The following CHSY3 variants were observed in gnomAD, a reference collection of about 807,000 sequenced individuals.
CHSY3 encodes chondroitin sulfate synthase 3, also known as N-acetylgalactosaminyl-proteoglycan 3-beta-glucuronosyltransferase 3.
In CHSY3, 35 loss-of-function variants were observed where a neutral mutation model predicts 67.2. The ratio of observed to expected loss-of-function variants is 0.52; its 90% confidence interval spans 0.40 to 0.69. CHSY3 has a LOEUF of 0.69. Among genes scored for constraint, CHSY3 ranks in the 30% least tolerant of loss-of-function variants. The probability of loss-of-function intolerance (pLI) is 0.00; values close to 1 mark genes in which losing one functional copy is unlikely to be tolerated. For missense variants in CHSY3, 1,069 were observed against 1,138.5 expected (o/e 0.94, Z 0.88); for synonymous variants, 474 against 434.7 (o/e 1.09, Z -1.12).
At chr5:130,005,970 G>T (rs904643947) in intron 2 of CHSY3, among the ~76,000 whole-genome samples, 6 of 152,098 alleles carry the variant, frequency 3.9e-5, no homozygotes, top group Middle Eastern at 3.4e-3. Flanking sequence ...GAATCCTGGA[G>T]GCATAAGATA....
At chr5:130,180,009 C>T (rs2149736881) in intron 2 of CHSY3, among the ~76,000 whole-genome samples, 1 of 152,136 alleles carries the variant, frequency 6.6e-6, no homozygotes, top group East Asian at 1.9e-4. Context: ...CCAAATGTTG[C>T]CATCAGGGTT....
At chr5:130,083,797 T>C (rs749025443) in intron 2 of CHSY3, among the ~76,000 whole-genome samples, 15 of 152,014 alleles carry the variant, frequency 9.9e-5, no homozygotes, top group Non-Finnish European at 1.8e-4. Context: ...AAATGCTGGT[T>C]TTTGTTTTTT....
chr5:129,986,896 G>A (rs1763220973), intron 2 of CHSY3, among the ~76,000 whole-genome samples: 2 of 152,244 alleles, frequency 1.3e-5, no homozygotes, highest in South Asian at 4.1e-4. Context: ...GCCTGCCCTG[G>A]CCTCCCAAAG....
chr5:130,178,456 G>T (rs937996462), intron 2 of CHSY3, among the ~76,000 whole-genome samples: 15 of 151,296 alleles, frequency 9.9e-5, no homozygotes, highest in Non-Finnish European at 1.9e-4. Flanking sequence ...GTTTCACCGT[G>T]TTAGCCAGGA....
intron 2 of CHSY3, among the ~76,000 whole-genome samples, chr5:129,948,521 G>A (rs1418086712): frequency 2.6e-5 from 4 of 152,108 alleles, no homozygotes; most frequent in African/African-American, 9.7e-5. Flanking sequence ...CCATTGTATT[G>A]TTCTTTTTAA....
chr5:130,008,904 A>T (rs1763964895), intron 2 of CHSY3, among the ~76,000 whole-genome samples: 1 of 152,228 alleles, frequency 6.6e-6, no homozygotes, highest in South Asian at 2.1e-4. Flanking sequence ...ACTCAGTCAG[A>T]CAAAAATAAA....
At chr5:130,025,562 G>A (rs977914946) in intron 2 of CHSY3, among the ~76,000 whole-genome samples, 1 of 152,006 alleles carries the variant, frequency 6.6e-6, no homozygotes, top group Non-Finnish European at 1.5e-5. Context: ...CCATAAACTA[G>A]GTGGCTTCTA....
At chr5:129,913,219 A>C (rs1760626264) in intron 2 of CHSY3, among the ~76,000 whole-genome samples, 1 of 152,122 alleles carries the variant, frequency 6.6e-6, no homozygotes, top group South Asian at 2.1e-4. Context: ...TCCTCTTATT[A>C]TTTGTAAGAC....
At chr5:130,164,021 A>C (rs1323884456) in intron 2 of CHSY3, among the ~76,000 whole-genome samples, 1 of 152,176 alleles carries the variant, frequency 6.6e-6, no homozygotes, top group Non-Finnish European at 1.5e-5. Flanking sequence ...TTTTCTCTTC[A>C]AGTGAACGAC....
At chr5:129,977,244 GC>G (rs1184253723) in intron 2 of CHSY3, among the ~76,000 whole-genome samples, 14 of 151,998 alleles carry the variant, frequency 9.2e-5, no homozygotes, top group Non-Finnish European at 1.8e-4. Flanking sequence ...CATCACACTG[GC>G]TCCCAAGGAC....
At chr5:129,957,798 G>A (rs1181801282) in intron 2 of CHSY3, among the ~76,000 whole-genome samples, 1 of 151,948 alleles carries the variant, frequency 6.6e-6, no homozygotes, top group Non-Finnish European at 1.5e-5. Flanking sequence ...GGCGTTGTAG[G>A]TTCATATTAA....
chr5:129,917,333 C>A (rs1760761321), intron 2 of CHSY3, among the ~76,000 whole-genome samples: 2 of 152,056 alleles, frequency 1.3e-5, no homozygotes, highest in African/African-American at 4.8e-5. Context: ...AACAATAGGC[C>A]TTCCATATCT....
intron 2 of CHSY3, among the ~76,000 whole-genome samples, chr5:130,098,068 T>C (rs1767109367): frequency 1.3e-5 from 2 of 152,106 alleles, no homozygotes; most frequent in Non-Finnish European, 2.9e-5. Flanking sequence ...TACTCAGTTT[T>C]TTTCCAATGG....
chr5:130,164,851 A>G (rs867703521), intron 2 of CHSY3, among the ~76,000 whole-genome samples: 2 of 152,228 alleles, frequency 1.3e-5, no homozygotes, highest in East Asian at 3.8e-4. Flanking sequence ...ACCAGGAGAC[A>G]TATACCAGTC....
At chr5:129,911,869 A>G (rs547751724) in intron 2 of CHSY3, among the ~76,000 whole-genome samples, 6 of 152,256 alleles carry the variant, frequency 3.9e-5, no homozygotes, top group African/African-American at 1.4e-4. Context: ...ATCCTGGCTA[A>G]CATGGTGAAA....
At chr5:130,074,557 T>G (rs1376896971) in intron 2 of CHSY3, among the ~76,000 whole-genome samples, 1 of 152,238 alleles carries the variant, frequency 6.6e-6, no homozygotes, top group African/African-American at 2.4e-5. Flanking sequence ...GTGGAATTTC[T>G]ACATGACTTC....
intron 2 of CHSY3, among the ~76,000 whole-genome samples, chr5:130,057,983 A>G (rs1450532126): frequency 6.6e-6 from 1 of 151,792 alleles, no homozygotes; most frequent in Non-Finnish European, 1.5e-5. Flanking sequence ...TTTGTTTCCT[A>G]TTTCCCCAAT....
At chr5:130,077,059 G>C (rs2149684692) in intron 2 of CHSY3, among the ~76,000 whole-genome samples, 1 of 150,378 alleles carries the variant, frequency 6.6e-6, no homozygotes, top group South Asian at 2.1e-4. Flanking sequence ...TAACTAACCT[G>C]CACATTGTGC....
At chr5:130,027,848 C>T (rs1482936298) in intron 2 of CHSY3, among the ~76,000 whole-genome samples, 2 of 152,162 alleles carry the variant, frequency 1.3e-5, no homozygotes, top group African/African-American at 2.4e-5. Flanking sequence ...ATATGTGCCA[C>T]ATTTTCTTAA....
Sources: gnomAD v4.1 joint callset for allele counts (sites outside exome capture counted in the v4.1 genomes callset) on GRCh38, gnomAD v4.1.1 for gene constraint, MANE v1.5 for transcripts, NCBI Gene and HGNC (gene_info 2026-07-23, HGNC 2026-07-21) for gene names.